Variants in MAPK10 observed in about 807,000 individuals in gnomAD.
MAPK10 encodes JNK3 alpha protein kinase.
Under a neutral mutation model 59.3 loss-of-function variants are expected in MAPK10, and 25 were observed. That is an observed-to-expected ratio of 0.42 (90% CI 0.31 to 0.59). The LOEUF is 0.59. MAPK10 is among the 20% of genes least tolerant of loss of function. The pLI is 0.15. For synonymous variants in MAPK10, 190 were observed against 200.5 expected, an observed-to-expected ratio of 0.95 and a Z score of 0.44; for missense variants, 351 against 568.9, an observed-to-expected ratio of 0.62 and a Z score of 3.90.
intron 4 of MAPK10, among the ~76,000 whole-genome samples, chr4:86,145,980 T>C (rs1257621843): frequency 6.6e-6 from 1 of 152,102 alleles, no homozygotes; most frequent in Non-Finnish European, 1.5e-5. Flanking sequence ...ACTGGGAAAA[T>C]ACAGTTGAAA....
chr4:86,333,860 A>T (rs1299387107), intron 2 of MAPK10, among the ~76,000 whole-genome samples: 1 of 152,212 alleles, frequency 6.6e-6, no homozygotes, highest in Non-Finnish European at 1.5e-5. Context: ...AGTGCCTGGC[A>T]CATAGTAAGT....
chr4:86,378,877 T>TA (rs1316786256), intron 1 of MAPK10, among the ~76,000 whole-genome samples: 5 of 151,998 alleles, frequency 3.3e-5, no homozygotes, highest in African/African-American at 1.2e-4. Context: ...ATACAAACTG[T>TA]AAAGAGAAAT....
At chr4:86,442,630 C>T (rs1749540039) in intron 1 of MAPK10, among the ~76,000 whole-genome samples, 1 of 152,178 alleles carries the variant, frequency 6.6e-6, no homozygotes, top group Non-Finnish European at 1.5e-5. Context: ...TGTACTTACA[C>T]ATGTATGTAT....
chr4:86,362,505 A>G (rs1265187375), upstream of MAPK10, among the ~76,000 whole-genome samples: 1 of 152,038 alleles, frequency 6.6e-6, no homozygotes. Flanking sequence ...CAGAGTCTAG[A>G]TGATACATAT....
At chr4:86,226,576 G>C (rs2090666547) in intron 2 of MAPK10, among the ~76,000 whole-genome samples, 2 of 152,160 alleles carry the variant, frequency 1.3e-5, no homozygotes, top group Non-Finnish European at 2.9e-5. Context: ...TTACTTCTAA[G>C]GGATTTTAAT....
intron 2 of MAPK10, chr4:86,268,385 A>C (rs2094325752): frequency 6.6e-6 from 1 of 152,150 alleles, no homozygotes; most frequent in African/African-American, 2.4e-5. Flanking sequence ...TTTCTATCTC[A>C]GTCTTAATGT....
chr4:86,057,346 G>A (rs916890261), intron 11 of MAPK10, among the ~76,000 whole-genome samples: 2 of 150,176 alleles, frequency 1.3e-5, no homozygotes, highest in Non-Finnish European at 3.0e-5. Flanking sequence ...TGCACATCTG[G>A]TTGAAGATTA....
At chr4:86,330,518 C>T (rs371457096) in intron 2 of MAPK10, among the ~76,000 whole-genome samples, 29 of 152,098 alleles carry the variant, frequency 1.9e-4, no homozygotes, top group Non-Finnish European at 3.5e-4. Context: ...ATCATGGGGG[C>T]GGTTACCCCC....
intron 11 of MAPK10, among the ~76,000 whole-genome samples, chr4:86,033,071 G>A (rs1472590614): frequency 6.6e-6 from 1 of 152,156 alleles, no homozygotes. Context: ...CTGCTCTCAG[G>A]ACCTGACTGA....
At chr4:86,358,101 C>T (rs1479659134) in intron 1 of MAPK10, 3 of 985,284 alleles carry the variant, frequency 3.0e-6, no homozygotes, top group East Asian at 2.3e-4. Flanking sequence ...CAAACCGCTA[C>T]ATCCAAAGCA....
At chr4:86,023,622 C>T (rs1411461780) in intron 13 of MAPK10, among the ~76,000 whole-genome samples, 2 of 151,688 alleles carry the variant, frequency 1.3e-5, no homozygotes, top group Non-Finnish European at 2.9e-5. Context: ...AACAATGTTT[C>T]GTAGTTTTCA....
At chr4:86,529,237 G>A (rs552139365) in intron 1 of MAPK10, among the ~76,000 whole-genome samples, 1 of 152,216 alleles carries the variant, frequency 6.6e-6, no homozygotes, top group South Asian at 2.1e-4. Flanking sequence ...ACCTTCTTTG[G>A]CAGATGCAGG....
chr4:86,402,335 A>G (rs1743831646), intron 1 of MAPK10, among the ~76,000 whole-genome samples: 2 of 152,228 alleles, frequency 1.3e-5, no homozygotes. Flanking sequence ...ACAGCATCAT[A>G]TCATTTATCA....
chr4:86,461,030 G>A (rs557867685), intron 1 of MAPK10, among the ~76,000 whole-genome samples: 1 of 152,230 alleles, frequency 6.6e-6, no homozygotes, highest in South Asian at 2.1e-4. Flanking sequence ...GCTGGTCTCA[G>A]CAAATGATGC....
At chr4:86,255,613 A>G (rs1392138624) in intron 2 of MAPK10, among the ~76,000 whole-genome samples, 1 of 151,254 alleles carries the variant, frequency 6.6e-6, no homozygotes, top group Admixed American at 6.6e-5. Context: ...TGGTATCTAT[A>G]TTGAACGTTT....
intron 2 of MAPK10, among the ~76,000 whole-genome samples, chr4:86,331,610 C>T (rs1289461536): frequency 1.3e-5 from 2 of 152,150 alleles, no homozygotes; most frequent in Non-Finnish European, 2.9e-5. Flanking sequence ...TGTTCCTTCT[C>T]TCTCAAAGTC....
At chr4:86,497,028 C>T (rs1226530866) in intron 1 of MAPK10, among the ~76,000 whole-genome samples, 1 of 152,212 alleles carries the variant, frequency 6.6e-6, no homozygotes, top group Non-Finnish European at 1.5e-5. Context: ...CTCATTTTCA[C>T]ATGCTATTTC....
At chr4:86,169,554 T>G (rs1327251418) in intron 3 of MAPK10, among the ~76,000 whole-genome samples, 2 of 151,998 alleles carry the variant, frequency 1.3e-5, no homozygotes, top group Non-Finnish European at 2.9e-5. Context: ...CCAAGAAATA[T>G]GGGACTACGT....
intron 1 of MAPK10, among the ~76,000 whole-genome samples, chr4:86,519,604 T>G (rs1021055688): frequency 2.0e-5 from 3 of 152,174 alleles, no homozygotes; most frequent in Admixed American, 1.3e-4. Flanking sequence ...AGTGGAGCAT[T>G]TAGGCCATCG....
Sources: allele counts gnomAD v4.1 joint callset (sites outside exome capture counted in the v4.1 genomes callset), GRCh38; gene constraint gnomAD v4.1.1; transcripts MANE v1.5; gene names NCBI Gene and HGNC (gene_info 2026-07-23, HGNC 2026-07-21).